The following CREB5 variants were observed in gnomAD, a reference collection of about 807,000 sequenced individuals.
CREB5 encodes the protein cyclic AMP-responsive element-binding protein 5.
In CREB5, 19 loss-of-function variants were observed where a neutral mutation model predicts 57.1. That is an observed-to-expected ratio of 0.33 (90% CI 0.23 to 0.49). The LOEUF (loss-of-function observed/expected upper bound fraction) is 0.49, where lower values mean the gene tolerates loss of function less well. Among genes scored for constraint, CREB5 ranks in the 20% least tolerant of loss-of-function variants. CREB5 has a pLI of 0.99. For missense variants in CREB5, 579 were observed against 671.6 expected, an observed-to-expected ratio of 0.86 and a Z score of 1.52; for synonymous variants, 238 against 238.3, an observed-to-expected ratio of 1.00 and a Z score of 0.01.
intron 1 of CREB5, among the ~76,000 whole-genome samples, chr7:28,416,587 G>A (rs1216259339): frequency 6.6e-6 from 1 of 152,150 alleles, no homozygotes; most frequent in Non-Finnish European, 1.5e-5. Flanking sequence ...TGAAGGGTCT[G>A]ATTTGCCTCA....
At chr7:28,486,611 A>C (rs1275444938) in intron 1 of CREB5, among the ~76,000 whole-genome samples, 1 of 147,316 alleles carries the variant, frequency 6.8e-6, no homozygotes, top group Non-Finnish European at 1.5e-5. Flanking sequence ...GGGGGGTATG[A>C]TATAGAAAAT....
intron 5 of CREB5, among the ~76,000 whole-genome samples, chr7:28,595,499 C>T (rs1476609772): frequency 6.6e-6 from 1 of 152,148 alleles, no homozygotes; most frequent in African/African-American, 2.4e-5. Context: ...GCCTCTATCT[C>T]AAGTCCCATG....
chr7:28,417,197 A>G (rs1233920928), intron 1 of CREB5, among the ~76,000 whole-genome samples: 1 of 152,194 alleles, frequency 6.6e-6, no homozygotes, highest in Non-Finnish European at 1.5e-5. Flanking sequence ...TTCATTTTAA[A>G]CGTTTTAGTA....
intron 1 of CREB5, among the ~76,000 whole-genome samples, chr7:28,460,190 CAT>C (rs1212479723): frequency 1.3e-5 from 2 of 151,968 alleles, no homozygotes; most frequent in Non-Finnish European, 2.9e-5. Flanking sequence ...GTCAGGGAGT[CAT>C]ATTAATGTCA....
At chr7:28,795,962 C>T (rs1013286451) in intron 7 of CREB5, among the ~76,000 whole-genome samples, 2 of 151,950 alleles carry the variant, frequency 1.3e-5, no homozygotes, top group Non-Finnish European at 2.9e-5. Context: ...CTATGTTGAC[C>T]CGCTAGTCTC....
At chr7:28,504,041 G>C (rs1156382719) in intron 3 of CREB5, among the ~76,000 whole-genome samples, 1 of 152,174 alleles carries the variant, frequency 6.6e-6, no homozygotes, top group Non-Finnish European at 1.5e-5. Context: ...TTTTCTTTTT[G>C]TGAGTGAGCT....
At chr7:28,696,781 C>A (rs1425535329) in intron 5 of CREB5, among the ~76,000 whole-genome samples, 2 of 148,192 alleles carry the variant, frequency 1.3e-5, no homozygotes, top group Non-Finnish European at 2.9e-5. Flanking sequence ...CATATATATA[C>A]ACATACGTAT....
chr7:28,809,468 A>T (rs994344873), intron 9 of CREB5, 54 bp downstream of exon 9: 2 of 1,494,750 alleles, frequency 1.3e-6, no homozygotes, highest in Admixed American at 4.1e-5. Context: ...CTCCACGGGC[A>T]TTTCCGGCCC....
intron 5 of CREB5, among the ~76,000 whole-genome samples, chr7:28,658,127 G>GA (rs1373417941): frequency 2.0e-5 from 3 of 152,170 alleles, no homozygotes; most frequent in African/African-American, 7.2e-5. Flanking sequence ...ACACTCATAA[G>GA]GGCGGAGCAC....
At chr7:28,458,757 A>G (rs1235604699) in intron 1 of CREB5, among the ~76,000 whole-genome samples, 2 of 152,232 alleles carry the variant, frequency 1.3e-5, no homozygotes, top group East Asian at 3.9e-4. Context: ...TGGATGTGAT[A>G]GTATTCTTGG....
intron 1 of CREB5, among the ~76,000 whole-genome samples, chr7:28,394,809 G>A (rs550503734): frequency 6.6e-6 from 1 of 152,124 alleles, no homozygotes; most frequent in Non-Finnish European, 1.5e-5. Context: ...ATGAAGAGAA[G>A]CCCATTTAGA....
At chr7:28,591,555 C>A (rs1304592943) in intron 5 of CREB5, among the ~76,000 whole-genome samples, 1 of 152,160 alleles carries the variant, frequency 6.6e-6, no homozygotes, top group East Asian at 1.9e-4. Flanking sequence ...CTGCTTCCAC[C>A]TGCCTTCAGA....
At chr7:28,671,747 C>T (rs1800048910) in intron 5 of CREB5, among the ~76,000 whole-genome samples, 1 of 152,182 alleles carries the variant, frequency 6.6e-6, no homozygotes, top group South Asian at 2.1e-4. Context: ...CTGGACTCTG[C>T]CACGTGCCAG....
At chr7:28,570,298 G>C (rs1216706402) in intron 4 of CREB5, 67 bp from the exon 5 acceptor site, 1 of 1,526,618 alleles carries the variant, frequency 6.6e-7, no homozygotes, top group Non-Finnish European at 8.9e-7. Context: ...TTTGGCCTTT[G>C]AGAGCTTGAG....
intron 4 of CREB5, among the ~76,000 whole-genome samples, chr7:28,533,923 T>G (rs554609546): frequency 3.7e-4 from 57 of 152,324 alleles, no homozygotes; most frequent in African/African-American, 1.1e-3. Flanking sequence ...TGAGTCAGAA[T>G]GACAGGGCAT....
chr7:28,590,582 A>G (rs1434322749), intron 5 of CREB5, among the ~76,000 whole-genome samples: 2 of 150,822 alleles, frequency 1.3e-5, no homozygotes, highest in African/African-American at 2.4e-5. Context: ...AATGTAAATG[A>G]CGAGTTAATG....
At chr7:28,584,648 CTG>C (rs1796245484) in intron 5 of CREB5, among the ~76,000 whole-genome samples, 1 of 152,134 alleles carries the variant, frequency 6.6e-6, no homozygotes, top group South Asian at 2.1e-4. Context: ...ACCTCCAGAA[CTG>C]TGAAAAAATA....
chr7:28,476,694 A>T (rs1161714816), intron 1 of CREB5, among the ~76,000 whole-genome samples: 2 of 152,242 alleles, frequency 1.3e-5, no homozygotes, highest in African/African-American at 2.4e-5. Flanking sequence ...AAGCAAAATA[A>T]AGCCTAAATT....
At chr7:28,548,243 T>C (rs1218247751) in intron 4 of CREB5, among the ~76,000 whole-genome samples, 1 of 152,154 alleles carries the variant, frequency 6.6e-6, no homozygotes, top group Non-Finnish European at 1.5e-5. Flanking sequence ...TACGTGCAGC[T>C]CCATCTCCTC....
Sources: allele counts gnomAD v4.1 joint callset (sites outside exome capture counted in the v4.1 genomes callset), GRCh38; gene constraint gnomAD v4.1.1; transcripts MANE v1.5; gene names NCBI Gene and HGNC (gene_info 2026-07-23, HGNC 2026-07-21).